Variants in YPEL2 observed in about 807,000 individuals in gnomAD.
YPEL2 encodes yippee like 2.
YPEL2 carries 2 observed loss-of-function variants against 19.1 expected under a neutral mutation model. That is an observed-to-expected ratio of 0.10 (90% CI 0.04 to 0.33). The LOEUF (loss-of-function observed/expected upper bound fraction) is 0.33, where lower values mean the gene tolerates loss of function less well. YPEL2 is among the 10% of genes least tolerant of loss of function. YPEL2 has a pLI of 1.00. For synonymous variants in YPEL2, 52 were observed against 50.0 expected, an observed-to-expected ratio of 1.04 and a Z score of -0.17; for missense variants, 66 against 140.7, an observed-to-expected ratio of 0.47 and a Z score of 2.68.
At chr17:59,361,461 A>G (rs928295777) in intron 2 of YPEL2, among the ~76,000 whole-genome samples, 2 of 152,348 alleles carry the variant, frequency 1.3e-5, no homozygotes, top group African/African-American at 4.8e-5. Flanking sequence ...CAGTTATCAC[A>G]GTGTGATGAC....
intron 1 of YPEL2, among the ~76,000 whole-genome samples, chr17:59,351,348 C>T (rs2047786604): frequency 6.6e-6 from 1 of 152,028 alleles, no homozygotes; most frequent in African/African-American, 2.4e-5. Context: ...GTACTCCAGC[C>T]TGGAAGACAG....
chr17:59,366,592 TG>T (rs1353595768), intron 2 of YPEL2, among the ~76,000 whole-genome samples: 1 of 152,198 alleles, frequency 6.6e-6, no homozygotes. Context: ...GAGGAATGTC[TG>T]TATTCTCAGG....
chr17:59,356,063 C>T (rs2047811236), intron 2 of YPEL2: 1 of 152,156 alleles, frequency 6.6e-6, no homozygotes. Context: ...CCAGCCTCCT[C>T]CTTGGAAAAT....
chr17:59,358,635 G>T (rs1015304800), intron 2 of YPEL2, among the ~76,000 whole-genome samples: 14 of 152,084 alleles, frequency 9.2e-5, no homozygotes, highest in Middle Eastern at 3.4e-3. Context: ...TTGAGACGGG[G>T]TTTCATTCTT....
chr17:59,367,807 T>C (rs2047877832), intron 2 of YPEL2, among the ~76,000 whole-genome samples: 1 of 152,100 alleles, frequency 6.6e-6, no homozygotes, highest in South Asian at 2.1e-4. Context: ...CCACCATAGG[T>C]TACAAGGTGA....
chr17:59,336,673 A>G (rs1199262097), intron 1 of YPEL2, among the ~76,000 whole-genome samples: 2 of 152,214 alleles, frequency 1.3e-5, no homozygotes, highest in Non-Finnish European at 2.9e-5. Flanking sequence ...CTAGCTATTA[A>G]TAACAGCACT....
intron 1 of YPEL2, among the ~76,000 whole-genome samples, chr17:59,340,718 C>CT (rs1226895155): frequency 4.0e-4 from 51 of 127,990 alleles, no homozygotes; most frequent in East Asian, 3.1e-3. Context: ...CCCAGCCGAA[C>CT]TTTTTTTTTT....
intron 3 of YPEL2, 112 bp downstream of exon 3, chr17:59,388,482 A>C (rs2047992184): frequency 1.8e-6 from 2 of 1,087,076 alleles, no homozygotes; most frequent in Non-Finnish European, 2.8e-6. Flanking sequence ...CCACAGTAAA[A>C]CTCTGTGGAG....
intron 2 of YPEL2, among the ~76,000 whole-genome samples, chr17:59,365,289 C>G (rs1411481230): frequency 6.6e-6 from 1 of 152,186 alleles, no homozygotes; most frequent in Non-Finnish European, 1.5e-5. Context: ...CCAGGGGGAC[C>G]AGCAGGTCTC....
At chr17:59,335,839 C>T (rs1598021796) in intron 1 of YPEL2, among the ~76,000 whole-genome samples, 1 of 152,252 alleles carries the variant, frequency 6.6e-6, no homozygotes, top group Non-Finnish European at 1.5e-5. Flanking sequence ...CATAAGCCAC[C>T]GTGCCTGGCT....
Position 59,398,658 on chromosome 17 carries a change from A to G in YPEL2, c.*1468A>G, listed in dbSNP as rs2048053918. ...CAGCAATTCAGCCATTACACAGTAT[A>G]TGACTGAAACTCATTTAACTGGGTT... On this transcript the variant is annotated 3_prime_UTR_variant, in exon 5 of 5. Transcript: ENST00000312655. The G allele has an allele frequency of 6.6e-6, 1 of 152,240 alleles. No homozygotes were observed. Among genetic ancestry groups the G allele is most frequent in the Admixed American group, 6.5e-5 (1 of 15,288 alleles). The allele number at this position is 152,240 out of a possible 1,614,324, so 9.4% of individuals were successfully genotyped here.
intron 2 of YPEL2, among the ~76,000 whole-genome samples, chr17:59,384,722 T>TTTGTC (rs1340795706): frequency 2.6e-5 from 4 of 152,142 alleles, no homozygotes; most frequent in African/African-American, 9.7e-5. Context: ...TGTCTGGGGG[T>TTTGTC]TTGTCTTGCA....
chr17:59,349,660 GT>G (rs1382281695), intron 1 of YPEL2, among the ~76,000 whole-genome samples: 2 of 148,226 alleles, frequency 1.3e-5, no homozygotes, highest in East Asian at 3.9e-4. Context: ...CTGGCCTTTT[GT>G]TTTGTTTTGT....
intron 1 of YPEL2, among the ~76,000 whole-genome samples, chr17:59,348,206 A>G (rs746859773): frequency 6.6e-6 from 1 of 152,222 alleles, no homozygotes; most frequent in Non-Finnish European, 1.5e-5. Flanking sequence ...ACCTCCTCTC[A>G]GACACCCCAT....
chr17:59,384,439 G>A (rs113521723), intron 2 of YPEL2, among the ~76,000 whole-genome samples: 16 of 151,978 alleles, frequency 1.1e-4, no homozygotes, highest in Non-Finnish European at 1.8e-4. Context: ...ATTTAAAATC[G>A]TGTTTTTTAA....
chr17:59,351,647 A>G (rs1371745705), intron 1 of YPEL2, among the ~76,000 whole-genome samples: 2 of 152,200 alleles, frequency 1.3e-5, no homozygotes, highest in East Asian at 1.9e-4. Flanking sequence ...TCCCACTTCC[A>G]TTTCCTTCAA....
In YPEL2 at chr17:59,400,020, C is replaced by G. The variant is rs1030572187; in HGVS notation, c.*2830C>G. On this transcript the variant is annotated 3_prime_UTR_variant, in exon 5 of 5. Transcript: ENST00000312655. ...AACTGAAGTCCAGCCAGCAGACTCT[C>G]TAGCTCCATCTCCCCTGTGCCACCC... 1.3e-5 allele frequency: 2 copies of G among 152,730 alleles called. No individual in the cohort carries two copies. Among genetic ancestry groups the G allele is most frequent in the East Asian group, 3.9e-4 (2 of 5,190 alleles). The allele number at this position is 152,730 out of a possible 1,614,324, so 9.5% of individuals were successfully genotyped here.
At chr17:59,378,315 T>C (rs1361939340) in intron 2 of YPEL2, among the ~76,000 whole-genome samples, 1 of 150,532 alleles carries the variant, frequency 6.6e-6, no homozygotes, top group African/African-American at 2.5e-5. Flanking sequence ...GAAAGTCTGA[T>C]CATTAAATGG....
At chr17:59,343,075 T>C (rs1038008371) in intron 1 of YPEL2, among the ~76,000 whole-genome samples, 1 of 152,202 alleles carries the variant, frequency 6.6e-6, no homozygotes, top group African/African-American at 2.4e-5. Flanking sequence ...GGTAATTTCA[T>C]GGCCCTACTG....
Sources: allele counts gnomAD v4.1 joint callset (sites outside exome capture counted in the v4.1 genomes callset), GRCh38; gene constraint gnomAD v4.1.1; transcripts MANE v1.5; gene names NCBI Gene and HGNC (gene_info 2026-07-23, HGNC 2026-07-21).